KCNMB2: variants seen among roughly 807,000 people sequenced by gnomAD.
KCNMB2 encodes potassium calcium-activated channel subfamily M regulatory beta subunit 2.
A neutral mutation model predicts 24.5 loss-of-function variants in KCNMB2; 9 were observed. The observed-to-expected ratio is 0.37, with a 90% CI of 0.22 to 0.64. KCNMB2 has a LOEUF of 0.64. KCNMB2 is among the 30% of genes least tolerant of loss of function. The pLI is 0.63. For synonymous variants in KCNMB2, 109 were observed against 104.4 expected (o/e 1.04, Z -0.27); for missense variants, 226 against 284.3 (o/e 0.79, Z 1.47).
At chr3:178,608,048 A>G (rs981490103) in intron 1 of KCNMB2, among the ~76,000 whole-genome samples, 1 of 152,228 alleles carries the variant, frequency 6.6e-6, no homozygotes, top group African/African-American at 2.4e-5. Flanking sequence ...GCACAGAAAT[A>G]TACATGAGAG....
intron 1 of KCNMB2, among the ~76,000 whole-genome samples, chr3:178,586,534 CTTTCTTTTTTTTTTTT>C (rs1717437571): frequency 1.5e-5 from 1 of 68,516 alleles, no homozygotes; most frequent in Non-Finnish European, 2.8e-5. Context: ...TTTTTTTTTT[CTTTCTTTTTTTTTTTT>C]TTTTTTTTTT....
chr3:178,681,408 GC>G (rs1260267769), intron 1 of KCNMB2, among the ~76,000 whole-genome samples: 1 of 152,034 alleles, frequency 6.6e-6, no homozygotes, highest in African/African-American at 2.4e-5. Flanking sequence ...TTTATTAATG[GC>G]CCCCCAAAAA....
intron 1 of KCNMB2, among the ~76,000 whole-genome samples, chr3:178,650,761 A>G (rs890300487): frequency 6.6e-6 from 1 of 152,230 alleles, no homozygotes; most frequent in Non-Finnish European, 1.5e-5. Flanking sequence ...CAACATAGGC[A>G]TATCAATATA....
At chr3:178,842,444 T>C (rs937980521) in intron 4 of KCNMB2, among the ~76,000 whole-genome samples, 2 of 152,216 alleles carry the variant, frequency 1.3e-5, no homozygotes, top group African/African-American at 4.8e-5. Flanking sequence ...GGGTGAGCAA[T>C]CAAGGGACAT....
At chr3:178,825,876 G>C (rs999178685) in intron 3 of KCNMB2, 118 bp downstream of exon 3, 19 of 701,974 alleles carry the variant, frequency 2.7e-5, no homozygotes, top group Non-Finnish European at 4.6e-5. Flanking sequence ...ACTTTGAGAA[G>C]TTCCTGGTAA....
chr3:178,711,858 T>C (rs1249473139), intron 1 of KCNMB2, among the ~76,000 whole-genome samples: 1 of 152,264 alleles, frequency 6.6e-6, no homozygotes, highest in Non-Finnish European at 1.5e-5. Context: ...TAGAAAATTA[T>C]GTAATTTCTC....
intron 1 of KCNMB2, among the ~76,000 whole-genome samples, chr3:178,671,516 C>T (rs1720898902): frequency 6.6e-6 from 1 of 152,056 alleles, no homozygotes; most frequent in South Asian, 2.1e-4. Flanking sequence ...TTATCTCAGC[C>T]CCCAGTGTCT....
chr3:178,715,688 C>A (rs1722597699), intron 1 of KCNMB2, among the ~76,000 whole-genome samples: 1 of 152,152 alleles, frequency 6.6e-6, no homozygotes, highest in Non-Finnish European at 1.5e-5. Context: ...CCTGCCTCTT[C>A]CTCATGTGGT....
chr3:178,721,389 T>C (rs190375642), intron 1 of KCNMB2, among the ~76,000 whole-genome samples: 1 of 152,196 alleles, frequency 6.6e-6, no homozygotes, highest in Admixed American at 6.5e-5. Flanking sequence ...AATTTGCTCT[T>C]GTTGTTGTTT....
intron 1 of KCNMB2, among the ~76,000 whole-genome samples, chr3:178,647,605 T>C (rs1024928429): frequency 6.6e-6 from 1 of 152,230 alleles, no homozygotes; most frequent in Admixed American, 6.5e-5. Context: ...GTTTTGTTGA[T>C]TAAATGAGAA....
At chr3:178,638,718 G>A (rs1719616626) in intron 1 of KCNMB2, among the ~76,000 whole-genome samples, 1 of 152,276 alleles carries the variant, frequency 6.6e-6, no homozygotes, top group South Asian at 2.1e-4. Flanking sequence ...AGATATGAAA[G>A]AAATTACATT....
chr3:178,631,284 T>G (rs1719310660), intron 1 of KCNMB2, among the ~76,000 whole-genome samples: 1 of 152,218 alleles, frequency 6.6e-6, no homozygotes, highest in South Asian at 2.1e-4. Flanking sequence ...AAATTCCTGG[T>G]AAAGATGGCA....
chr3:178,826,955 C>T (rs1235158401), intron 3 of KCNMB2, among the ~76,000 whole-genome samples: 1 of 152,130 alleles, frequency 6.6e-6, no homozygotes, highest in Non-Finnish European at 1.5e-5. Flanking sequence ...ACTTTTTCCT[C>T]AGTATATAAG....
rs562831654 is a variant in KCNMB2, at chr3:178,799,907, G to A, written c.-67-7436G>A. 2.0e-5 allele frequency among the ~76,000 whole-genome samples: 3 copies of A among 152,200 alleles called. No homozygotes were observed. In the East Asian group the frequency reaches 5.8e-4, roughly 29 times the overall value. On this transcript the variant is annotated intron_variant, in intron 1 of 4. Transcript: ENST00000452583. The stretch of plus-strand genomic sequence containing the variant: ...ATTAAACTCATTTTCAACAAAGGTA[G>A]CAAGAACATATATTGGGGAAAAAGA...
chr3:178,703,074 T>C (rs185408751), intron 1 of KCNMB2, among the ~76,000 whole-genome samples: 162 of 152,198 alleles, frequency 1.1e-3, no homozygotes, highest in Admixed American at 2.4e-3. Flanking sequence ...AAGAAAAATA[T>C]TTGAAGGATG....
chr3:178,777,821 T>C (rs2108427811), intron 1 of KCNMB2, among the ~76,000 whole-genome samples: 1 of 152,302 alleles, frequency 6.6e-6, no homozygotes, highest in East Asian at 1.9e-4. Flanking sequence ...GTAAATTCCA[T>C]AAAGTATAAA....
At chr3:178,598,805 T>C (rs1717972776) in intron 1 of KCNMB2, among the ~76,000 whole-genome samples, 1 of 152,086 alleles carries the variant, frequency 6.6e-6, no homozygotes, top group Admixed American at 6.6e-5. Context: ...TTGAAGCTCT[T>C]ATGTGTCATA....
At chr3:178,638,371 T>G (rs1410429019) in intron 1 of KCNMB2, among the ~76,000 whole-genome samples, 2 of 152,122 alleles carry the variant, frequency 1.3e-5, no homozygotes, top group Non-Finnish European at 2.9e-5. Context: ...AACTGCATGG[T>G]CCTTTCTTTA....
At chr3:178,705,960 T>G (rs1271168531) in intron 1 of KCNMB2, among the ~76,000 whole-genome samples, 2 of 152,162 alleles carry the variant, frequency 1.3e-5, no homozygotes, top group Non-Finnish European at 2.9e-5. Context: ...AGACATACTT[T>G]GGCCTTCATT....
Sources: allele counts gnomAD v4.1 joint callset (sites outside exome capture counted in the v4.1 genomes callset), GRCh38; gene constraint gnomAD v4.1.1; transcripts MANE v1.5; gene names NCBI Gene and HGNC (gene_info 2026-07-23, HGNC 2026-07-21).